CPS1: variants seen among roughly 807,000 people sequenced by gnomAD.
CPS1 encodes the protein carbamoyl-phosphate synthase 1.
Under a neutral mutation model 174.6 loss-of-function variants are expected in CPS1, and 109 were observed. That is an observed-to-expected ratio of 0.62 (90% CI 0.53 to 0.73). The LOEUF is 0.73. Ranked by LOEUF, CPS1 falls within the 30% of genes least tolerant of loss-of-function variation. The pLI is 0.00. For synonymous variants in CPS1, 637 were observed against 632.0 expected (o/e 1.01, Z -0.12); for missense variants, 1,689 against 1,821.9 (o/e 0.93, Z 1.33).
At chr2:210,546,483 A>G (rs1178657079) in intron 1 of CPS1, among the ~76,000 whole-genome samples, 1 of 152,164 alleles carries the variant, frequency 6.6e-6, no homozygotes, top group African/African-American at 2.4e-5. Flanking sequence ...CAGTATATTA[A>G]TTGTATGATA....
intron 3 of CPS1, 86 bp downstream of exon 3, chr2:210,576,576 C>A (rs1302906313): frequency 7.9e-6 from 11 of 1,399,686 alleles, no homozygotes; most frequent in Non-Finnish European, 9.1e-6. Context: ...GCCAAACTTT[C>A]TTCCTCAATA....
intron 1 of CPS1, among the ~76,000 whole-genome samples, chr2:210,526,150 C>T (rs1695966707): frequency 6.6e-6 from 1 of 151,906 alleles, no homozygotes; most frequent in South Asian, 2.1e-4. Flanking sequence ...CCAAACACCA[C>T]ATGTTCTCAC....
intron 5 of CPS1, among the ~76,000 whole-genome samples, chr2:210,581,589 C>T (rs934285686): frequency 8.5e-5 from 13 of 152,088 alleles, no homozygotes; most frequent in African/African-American, 2.2e-4. Context: ...AGGGGTTATG[C>T]GACTTGGATT....
intron 25 of CPS1, among the ~76,000 whole-genome samples, chr2:210,643,083 C>G (rs868702782): frequency 2.6e-5 from 4 of 152,250 alleles, no homozygotes; most frequent in South Asian, 2.1e-4. Context: ...ATAAACAGTT[C>G]CAGTTCCCTG....
upstream of CPS1, among the ~76,000 whole-genome samples, chr2:210,554,631 A>G (rs1387898514): frequency 6.6e-6 from 1 of 151,834 alleles, no homozygotes; most frequent in African/African-American, 2.4e-5. Context: ...ATTTAAATTT[A>G]TTTTGCATCC....
chr2:210,677,502 A>C (rs1442314855), intron 37 of CPS1, among the ~76,000 whole-genome samples: 2 of 152,248 alleles, frequency 1.3e-5, no homozygotes, highest in South Asian at 2.1e-4. Flanking sequence ...ATGTAGCACA[A>C]GTGCTTGTTC....
chr2:210,619,233 G>A (rs547906515), intron 21 of CPS1: 1 of 152,120 alleles, frequency 6.6e-6, no homozygotes, highest in African/African-American at 2.4e-5. Flanking sequence ...GGAAGGAGCA[G>A]ACTATGGAGC....
Position 210,579,718 on chromosome 2 carries a change from C to A in CPS1, c.476C>A (p.Pro159His). The A allele has an allele frequency of 6.2e-7, 1 of 1,612,784 alleles. No homozygotes were observed. Among genetic ancestry groups the A allele is most frequent in the Non-Finnish European group, 8.5e-7 (1 of 1,179,296 alleles). Reference sequence around the variant, plus strand: ...ACTACAATTTTTTTCTTATAGGTTCCTGCAATTTATGGAGTGGACACAAGA... The same window carrying A: ...ACTACAATTTTTTTCTTATAGGTTCATGCAATTTATGGAGTGGACACAAGA... Reference protein sequence around the residue: ...LGQWLQEEKVPAIYGVDTRML... With the variant: ...LGQWLQEEKVHAIYGVDTRML... The change falls in exon 5 of 38, where the codon CCT becomes CAT. Residue 159 changes from proline to histidine, a missense_variant. Coordinates refer to ENST00000233072, the MANE Select transcript of CPS1 (RefSeq NM_001875.5).
intron 34 of CPS1, among the ~76,000 whole-genome samples, chr2:210,669,883 C>T (rs375087689): frequency 6.6e-6 from 1 of 152,070 alleles, no homozygotes; most frequent in Non-Finnish European, 1.5e-5. Context: ...CATAATAGTG[C>T]TAACATTTTA....
At chr2:210,511,893 T>G (rs1695505012) in intron 1 of CPS1, among the ~76,000 whole-genome samples, 1 of 152,114 alleles carries the variant, frequency 6.6e-6, no homozygotes. Flanking sequence ...AATAAATTTA[T>G]TCACATCAAC....
At chr2:210,551,854 G>A (rs1434809086), upstream of CPS1, among the ~76,000 whole-genome samples, 1 of 151,910 alleles carries the variant, frequency 6.6e-6, no homozygotes, top group South Asian at 2.1e-4. Context: ...CATGATATCT[G>A]TCTGTCATTT....
intron 1 of CPS1, among the ~76,000 whole-genome samples, chr2:210,543,629 T>C (rs774357472): frequency 2.0e-5 from 3 of 152,116 alleles, no homozygotes; most frequent in Non-Finnish European, 2.9e-5. Flanking sequence ...TGTAATCATA[T>C]ATTGTAATAA....
At chr2:210,612,036 A>G (rs1273555193) in intron 19 of CPS1, 81 bp from the exon 20 acceptor site, 2 of 1,262,508 alleles carry the variant, frequency 1.6e-6, no homozygotes, top group Non-Finnish European at 2.3e-6. Flanking sequence ...TTTATAAAAT[A>G]TATTTTACGT....
intron 1 of CPS1, among the ~76,000 whole-genome samples, chr2:210,497,405 T>C (rs1011484052): frequency 6.6e-6 from 1 of 152,262 alleles, no homozygotes; most frequent in East Asian, 1.9e-4. Flanking sequence ...TAATTTCAAA[T>C]TTTATGTTAG....
At chr2:210,564,578 G>A (rs1327354985) in intron 1 of CPS1, among the ~76,000 whole-genome samples, 7 of 151,866 alleles carry the variant, frequency 4.6e-5, no homozygotes, top group African/African-American at 1.4e-4. Flanking sequence ...GGGTTTCACC[G>A]TGTTAGCCAG....
intron 32 of CPS1, 38 bp from the exon 33 acceptor site, chr2:210,663,085 C>A (rs774053891): frequency 3.2e-6 from 5 of 1,556,262 alleles, no homozygotes. Context: ...ACTTTTCCCT[C>A]ACATAATTTT....
intron 1 of CPS1, among the ~76,000 whole-genome samples, chr2:210,509,383 A>G (rs1456525802): frequency 3.9e-5 from 6 of 152,198 alleles, no homozygotes; most frequent in Non-Finnish European, 7.4e-5. Flanking sequence ...ACATATCTCA[A>G]AATAATAAGA....
rs1433936613 is a variant in CPS1 at position 210,556,645 on chromosome 2, A to G, written c.-89A>G. 8.2e-6 allele frequency: 13 copies of G among 1,580,004 alleles called. No individual in the cohort carries two copies. In the East Asian group the frequency reaches 3.0e-4, roughly 36 times the overall value. Reference sequence around the variant, plus strand: ...CTTAAACACTGACTGCACCCCTCCCAGATTTCTTTTACATTAACTAAAAAG... The same window carrying G: ...CTTAAACACTGACTGCACCCCTCCCGGATTTCTTTTACATTAACTAAAAAG... On this transcript the variant is annotated 5_prime_UTR_variant, in exon 1 of 38. Transcript: ENST00000233072.
In CPS1 at chr2:210,642,512, T is replaced by C. The variant is rs1356477111; in HGVS notation, c.2988T>C (p.Ala996=). 1.2e-6 allele frequency: 2 copies of C among 1,613,896 alleles called. No individual in the cohort carries two copies. The highest frequency in any genetic ancestry group is 1.3e-5 in the African/African-American group (1 of 74,936). ...GCAGTGTGGAATTTGATTGGTGTGC[T>C]GTCTCTAGTATCCGCACACTGCGTC... ...IGSSVEFDWC[A]VSSIRTLRQL... The change falls in exon 25 of 38, where the codon GCT becomes GCC. Residue 996 remains alanine, a synonymous_variant. Coordinates refer to ENST00000233072, the MANE Select transcript of CPS1 (RefSeq NM_001875.5).
Sources: allele counts gnomAD v4.1 joint callset (sites outside exome capture counted in the v4.1 genomes callset), GRCh38; gene constraint gnomAD v4.1.1; transcripts MANE v1.5; gene names NCBI Gene and HGNC (gene_info 2026-07-23, HGNC 2026-07-21).